The following AUTS2 variants were observed in gnomAD, a reference collection of about 807,000 sequenced individuals.
AUTS2 encodes activator of transcription and developmental regulator AUTS2, also known as autism susceptibility gene 2 protein.
AUTS2 carries 17 observed loss-of-function variants against 112.4 expected under a neutral mutation model. That is an observed-to-expected ratio of 0.15 (90% confidence interval 0.10 to 0.23). The LOEUF (loss-of-function observed/expected upper bound fraction) is 0.23. Ranked by LOEUF, AUTS2 falls within the 10% of genes least tolerant of loss-of-function variation. The pLI is 1.00. For synonymous variants in AUTS2, 751 were observed against 702.7 expected (o/e 1.07, Z -1.09); for missense variants, 1,510 against 1,701.6 (o/e 0.89, Z 1.98).
chr7:70,210,228 C>T (rs552867002), intron 4 of AUTS2, among the ~76,000 whole-genome samples: 16 of 152,300 alleles, frequency 1.1e-4, no homozygotes, highest in African/African-American at 2.9e-4. Flanking sequence ...AAAGTTTTAG[C>T]AATGCCTTCC....
At chr7:70,442,820 G>T (rs942613966) in intron 5 of AUTS2, among the ~76,000 whole-genome samples, 2 of 152,074 alleles carry the variant, frequency 1.3e-5, no homozygotes, top group South Asian at 2.1e-4. Flanking sequence ...CGTGATTTCC[G>T]TGATGCCCAT....
intron 1 of AUTS2, among the ~76,000 whole-genome samples, chr7:69,662,712 T>C (rs998007809): frequency 2.0e-5 from 3 of 152,208 alleles, no homozygotes; most frequent in Non-Finnish European, 2.9e-5. Context: ...TTCATAAATA[T>C]CATATTAGCT....
intron 5 of AUTS2, among the ~76,000 whole-genome samples, chr7:70,635,856 A>C (rs796976599): frequency 3.9e-5 from 6 of 152,316 alleles, no homozygotes; most frequent in African/African-American, 1.4e-4. Context: ...ATGATGTGCC[A>C]GGTGGATAGA....
chr7:70,614,057 C>T (rs1306474114), intron 5 of AUTS2, among the ~76,000 whole-genome samples: 1 of 152,158 alleles, frequency 6.6e-6, no homozygotes, highest in Non-Finnish European at 1.5e-5. Flanking sequence ...GGGAGGGAGC[C>T]ATCTTTGTTT....
intron 2 of AUTS2, among the ~76,000 whole-genome samples, chr7:69,909,731 T>G (rs190060724): frequency 2.2e-4 from 33 of 152,302 alleles, no homozygotes; most frequent in Non-Finnish European, 4.4e-4. Context: ...ATAAGAATTT[T>G]TGTTTAAATA....
At chr7:70,696,468 C>G (rs1314596418) in intron 5 of AUTS2, among the ~76,000 whole-genome samples, 1 of 152,126 alleles carries the variant, frequency 6.6e-6, no homozygotes, top group Non-Finnish European at 1.5e-5. Context: ...AGCTTTTAGT[C>G]GAAGATACAC....
chr7:70,232,120 A>G (rs1351060180), intron 4 of AUTS2, among the ~76,000 whole-genome samples: 2 of 152,194 alleles, frequency 1.3e-5, no homozygotes, highest in African/African-American at 4.8e-5. Context: ...AATATTTAAA[A>G]TATGTCCTCT....
chr7:69,691,849 G>A (rs1306013957), intron 1 of AUTS2, among the ~76,000 whole-genome samples: 1 of 152,200 alleles, frequency 6.6e-6, no homozygotes, highest in Non-Finnish European at 1.5e-5. Context: ...TTCCTGTAGG[G>A]AGGATAGATT....
chr7:69,672,683 C>G (rs967782245), intron 1 of AUTS2, among the ~76,000 whole-genome samples: 1 of 152,188 alleles, frequency 6.6e-6, no homozygotes, highest in Non-Finnish European at 1.5e-5. Flanking sequence ...TGACATCTCT[C>G]CCTGAAAGGT....
At chr7:69,703,657 G>A (rs1439370151) in intron 1 of AUTS2, among the ~76,000 whole-genome samples, 2 of 152,158 alleles carry the variant, frequency 1.3e-5, no homozygotes, top group African/African-American at 4.8e-5. Flanking sequence ...GTGGAAGTAC[G>A]AATATTAATA....
intron 1 of AUTS2, among the ~76,000 whole-genome samples, chr7:69,692,072 G>A (rs1481249926): frequency 6.6e-6 from 1 of 152,130 alleles, no homozygotes; most frequent in Non-Finnish European, 1.5e-5. Context: ...TGCCTACAAG[G>A]GCTGTGTGTA....
chr7:70,412,477 G>A (rs920136434), intron 4 of AUTS2, among the ~76,000 whole-genome samples: 8 of 152,158 alleles, frequency 5.3e-5, no homozygotes, highest in African/African-American at 1.9e-4. Flanking sequence ...TTATGCATCT[G>A]TAGAATAACA....
chr7:69,816,517 A>G lies in AUTS2; in HGVS notation c.310-82769A>G, dbSNP rs779043409. 6.4e-4 allele frequency among the ~76,000 whole-genome samples: 97 copies of G among 152,174 alleles called. 1 individual carries two copies. Among genetic ancestry groups the G allele is most frequent in the Non-Finnish European group, 1.2e-3 (85 of 68,028 alleles). On this transcript the variant is annotated intron_variant, in intron 1 of 18. Transcript: ENST00000342771. ...CTCTTCGGCCCCGTGCACAGCATTC[A>G]CAGCTGCTGTCTGCTGCGCTTTCTT...
Position 70,707,837 on chromosome 7 carries a change from G to T in AUTS2, c.742+9217G>T, listed in dbSNP as rs1809821285. Among the ~76,000 whole-genome samples the T allele has an allele frequency of 2.6e-5, 4 of 152,136 alleles. 1 individual carries two copies. Among genetic ancestry groups the T allele is most frequent in the Admixed American group, 2.6e-4 (4 of 15,272 alleles). The stretch of plus-strand genomic sequence containing the variant: ...TTTACTTTTCAGCCAGATTTTATTA[G>T]AAATGATTTAGGAATTTCAAGCAGG... On this transcript the variant is annotated intron_variant, in intron 6 of 18. Transcript: ENST00000342771.
chr7:70,509,213 T>C (rs1252529104), intron 5 of AUTS2, among the ~76,000 whole-genome samples: 2 of 152,218 alleles, frequency 1.3e-5, no homozygotes, highest in Admixed American at 1.3e-4. Flanking sequence ...ACACAGGGAA[T>C]ACAGCAGAGG....
In AUTS2 at chr7:70,754,616, C is replaced by T. The variant is rs116003784; in HGVS notation, c.743-8254C>T. 2.9e-3 allele frequency among the ~76,000 whole-genome samples: 447 copies of T among 152,294 alleles called. 5 individuals are homozygous for T. Among genetic ancestry groups the T allele is most frequent in the African/African-American group, 9.0e-3 (376 of 41,572 alleles). On this transcript the variant is annotated intron_variant, in intron 6 of 18. Coordinates refer to ENST00000342771, the MANE Select transcript of AUTS2 (RefSeq NM_015570.4). The stretch of plus-strand genomic sequence containing the variant: ...AACATTTCAGTCCCTTATTAATGTT[C>T]GCACTTTAAAGTCTGGGTTAATTTT...
chr7:69,989,701 G>C (rs78730083), intron 2 of AUTS2, among the ~76,000 whole-genome samples: 1 of 152,148 alleles, frequency 6.6e-6, no homozygotes, highest in Non-Finnish European at 1.5e-5. Flanking sequence ...GGGAAGAAGA[G>C]TACATCTGTT....
In AUTS2 at chr7:70,790,502, C is replaced by T. The variant is rs1047523846; in HGVS notation, c.3286C>T (p.Leu1096=). ...AGACCCGCTGGGCAGGGACTTCCTGCTAAGGAACGACCCGCTCCACCGGCT... is the reference window on the plus strand; with the variant it reads ...AGACCCGCTGGGCAGGGACTTCCTGTTAAGGAACGACCCGCTCCACCGGCT... ...RRDPLGRDFL[L]RNDPLHRLST... The change falls in exon 19 of 19, where the codon CTA becomes TTA. Residue 1096 remains leucine (L), a synonymous_variant. Coordinates refer to ENST00000342771, the MANE Select transcript of AUTS2 (RefSeq NM_015570.4). This position sits in a 1 kb window ranked among gnomAD's most constrained non-coding sequence, Gnocchi z 7.6. 1 of 1,612,474 alleles carries T rather than the reference C, an allele frequency of 6.2e-7. No individual in the cohort carries two copies. Among genetic ancestry groups the T allele is most frequent in the Non-Finnish European group, 8.5e-7 (1 of 1,179,564 alleles).
intron 4 of AUTS2, among the ~76,000 whole-genome samples, chr7:70,323,046 T>C (rs535573303): frequency 6.6e-6 from 1 of 152,308 alleles, no homozygotes; most frequent in Admixed American, 6.5e-5. Context: ...GTTCTGAAAC[T>C]GGAGCTGGAG....
Sources: allele counts gnomAD v4.1 joint callset (sites outside exome capture counted in the v4.1 genomes callset), GRCh38; gene constraint gnomAD v4.1.1; non-coding constraint Gnocchi (gnomAD v3.1); transcripts MANE v1.5; gene names NCBI Gene and HGNC (gene_info 2026-07-23, HGNC 2026-07-21).